Variants in CNTN5 observed in about 807,000 individuals in gnomAD.
The protein encoded by CNTN5 is contactin 5.
CNTN5 carries 77 observed loss-of-function variants against 129.1 expected under a neutral mutation model. The observed-to-expected ratio is 0.60, with a 90% CI of 0.50 to 0.72. The LOEUF is 0.72. CNTN5 is among the 30% of genes least tolerant of loss of function. CNTN5 has a pLI of 0.00. For synonymous variants in CNTN5, 509 were observed against 465.6 expected, an observed-to-expected ratio of 1.09 and a Z score of -1.20; for missense variants, 1,478 against 1,328.8, an observed-to-expected ratio of 1.11 and a Z score of -1.75.
Position 100,128,230 on chromosome 11 carries a change from CT to C in CNTN5, c.1580+53937del, listed in dbSNP as rs1946258498. Among the ~76,000 whole-genome samples the C allele has an allele frequency of 2.6e-5, 4 of 152,102 alleles. No homozygotes were observed. In the South Asian group the frequency reaches 8.3e-4, roughly 32 times the overall value. ...TCTCAACCTCATTCCTAAACTTATT[CT>C]CCCTCCTTTTTTCCTGTCTCAGTAA... On this transcript the variant is annotated intron_variant, in intron 13 of 24. Transcript: ENST00000524871.
At chr11:99,989,655 T>C (rs932039479) in intron 8 of CNTN5, among the ~76,000 whole-genome samples, 6 of 152,206 alleles carry the variant, frequency 3.9e-5, no homozygotes, top group African/African-American at 1.4e-4. Context: ...TATCATTTTA[T>C]GCGTGGAAAT....
At position 99,166,759 on chromosome 11, in the gene CNTN5, C is replaced by CTT. The variant is rs10700454; in HGVS notation, c.-210+145499_-210+145500dup. On this transcript the variant is annotated intron_variant, in intron 1 of 24. Transcript: ENST00000524871. ...GTCACAATTTCAATTTTTCCTTTTT[C>CTT]TTTTTTTTTTTGGTTTTTGTTTTTT... Among the ~76,000 whole-genome samples the CTT allele has an allele frequency of 9.7e-5, 14 of 143,962 alleles. No homozygotes were observed. In the East Asian group the frequency reaches 1.4e-3, roughly 14 times the overall value. 94.4% of individuals were successfully genotyped at this position (143,962 alleles called of 152,430 possible). A position where few individuals can be genotyped will look rare whatever the true frequency, so the allele number is the denominator to read the frequency against.
At chr11:99,426,233 T>C (rs1351182012) in intron 2 of CNTN5, among the ~76,000 whole-genome samples, 1 of 152,198 alleles carries the variant, frequency 6.6e-6, no homozygotes, top group Non-Finnish European at 1.5e-5. Flanking sequence ...AATTTACAAT[T>C]TGGTTTTTGC....
intron 3 of CNTN5, among the ~76,000 whole-genome samples, chr11:99,777,118 A>C (rs1278850816): frequency 6.6e-6 from 1 of 151,928 alleles, no homozygotes; most frequent in African/African-American, 2.4e-5. Context: ...TAAAGAAATT[A>C]AGTTGAACAG....
chr11:99,146,318 G>A (rs72992238), intron 1 of CNTN5, among the ~76,000 whole-genome samples: 23,444 of 152,100 alleles, frequency 0.15, 1,905 homozygotes, highest in Middle Eastern at 0.21. Flanking sequence ...TTTGCAAAAT[G>A]CTGTGAAAAT....
intron 13 of CNTN5, among the ~76,000 whole-genome samples, chr11:100,114,539 A>C (rs10894469): frequency 0.15 from 22,558 of 152,038 alleles, 1,890 homozygotes; most frequent in African/African-American, 0.22. Flanking sequence ...TTAATTACAA[A>C]CCTTCAGGGC....
At chr11:100,316,974 CTT>C (rs900562949) in intron 21 of CNTN5, among the ~76,000 whole-genome samples, 7 of 152,178 alleles carry the variant, frequency 4.6e-5, no homozygotes, top group African/African-American at 1.7e-4. Context: ...CTAGCAACTT[CTT>C]TGTTTGGGCT....
intron 3 of CNTN5, among the ~76,000 whole-genome samples, chr11:99,572,793 A>C (rs1265524821): frequency 6.6e-6 from 1 of 152,202 alleles, no homozygotes; most frequent in Non-Finnish European, 1.5e-5. Context: ...CAAATGAGAA[A>C]ACAGTGAATG....
intron 1 of CNTN5, among the ~76,000 whole-genome samples, chr11:99,122,037 G>T (rs1228878389): frequency 6.6e-6 from 1 of 151,728 alleles, no homozygotes; most frequent in African/African-American, 2.4e-5. Flanking sequence ...ACAACATGCA[G>T]GTTTGTTACA....
chr11:99,675,071 T>C (rs1381451889), intron 3 of CNTN5, among the ~76,000 whole-genome samples: 2 of 152,130 alleles, frequency 1.3e-5, no homozygotes, highest in African/African-American at 4.8e-5. Flanking sequence ...GGGATGCCTC[T>C]TCAGTGTCCT....
intron 13 of CNTN5, among the ~76,000 whole-genome samples, chr11:100,153,099 G>A (rs1229051967): frequency 6.6e-6 from 1 of 152,072 alleles, no homozygotes; most frequent in Non-Finnish European, 1.5e-5. Flanking sequence ...ACAATAAGGG[G>A]CTAGAGCAAC....
chr11:99,941,250 C>G (rs1204762576), intron 7 of CNTN5, among the ~76,000 whole-genome samples: 1 of 152,004 alleles, frequency 6.6e-6, no homozygotes, highest in Non-Finnish European at 1.5e-5. Flanking sequence ...AGGATACATG[C>G]ATTCCCAGGG....
chr11:99,088,243 A>G (rs1866082192), intron 1 of CNTN5, among the ~76,000 whole-genome samples: 1 of 152,074 alleles, frequency 6.6e-6, no homozygotes, highest in Admixed American at 6.6e-5. Flanking sequence ...CCAAAGGTTG[A>G]TGTGTTCTTA....
At chr11:99,963,667 T>G (rs11222071) in intron 8 of CNTN5, among the ~76,000 whole-genome samples, 3 of 152,266 alleles carry the variant, frequency 2.0e-5, no homozygotes, top group East Asian at 3.9e-4. Flanking sequence ...ATATGAACTT[T>G]AAAGTAGTTT....
intron 1 of CNTN5, among the ~76,000 whole-genome samples, chr11:99,121,853 T>C (rs779342540): frequency 6.6e-6 from 1 of 152,306 alleles, no homozygotes. Context: ...GCAAGCATAA[T>C]TTTAAAATAA....
rs1485912996 is a variant in CNTN5 at position 100,184,998 on chromosome 11, C to T, written c.1581-6128C>T. On this transcript the variant is annotated intron_variant, in intron 13 of 24. Coordinates refer to ENST00000524871, the MANE Select transcript of CNTN5 (RefSeq NM_014361.4). ...TGATGGTTTTATATGGGGCTCTTCC[C>T]ACCTTGGCGCTCTCTCTCCTGCCGC... Among the ~76,000 whole-genome samples the T allele has an allele frequency of 2.1e-5, 3 of 146,090 alleles. No individual in the cohort carries two copies. In the East Asian group the frequency reaches 5.9e-4, roughly 29 times the overall value.
At position 99,499,347 on chromosome 11, in the gene CNTN5, A is replaced by G. The variant is rs753174502; in HGVS notation, c.-70-56798A>G. Among the ~76,000 whole-genome samples the G allele has an allele frequency of 2.6e-5, 4 of 152,012 alleles. No homozygotes were observed. In the South Asian group the frequency reaches 6.2e-4, roughly 24 times the overall value. The stretch of plus-strand genomic sequence containing the variant: ...TTTAGGAGGTTATAAGGCCATGAGG[A>G]CTTCTCCCTCATGAATAAGATTAAG... On this transcript the variant is annotated intron_variant, in intron 2 of 24. Coordinates refer to ENST00000524871, the MANE Select transcript of CNTN5 (RefSeq NM_014361.4).
At chr11:99,792,573 G>GTGTGTGTGTGTGTC (rs34622017) in intron 3 of CNTN5, among the ~76,000 whole-genome samples, 2,600 of 116,566 alleles carry the variant, frequency 0.022, 49 homozygotes, top group African/African-American at 0.058. Flanking sequence ...GTGTGTGTGT[G>GTGTGTGTGTGTGTC]TGTCTGTCTG....
intron 1 of CNTN5, among the ~76,000 whole-genome samples, chr11:99,151,240 A>G (rs1043559734): frequency 2.4e-4 from 36 of 151,952 alleles, no homozygotes; most frequent in African/African-American, 8.5e-4. Flanking sequence ...TATCCTAGAA[A>G]GATAGATAGG....
Sources: gnomAD v4.1 joint callset for allele counts (sites outside exome capture counted in the v4.1 genomes callset) on GRCh38, gnomAD v4.1.1 for gene constraint, MANE v1.5 for transcripts, NCBI Gene and HGNC (gene_info 2026-07-23, HGNC 2026-07-21) for gene names.